The following ARID2 variants were observed in gnomAD, a reference collection of about 807,000 sequenced individuals.
ARID2 encodes AT-rich interactive domain-containing protein 2.
A neutral mutation model predicts 184.6 loss-of-function variants in ARID2; 32 were observed. The observed-to-expected ratio is 0.17, with a 90% CI of 0.13 to 0.23. The LOEUF (loss-of-function observed/expected upper bound fraction) is 0.23, where lower values mean the gene tolerates loss of function less well. ARID2 is among the 10% of genes least tolerant of loss of function. The pLI is 1.00. For synonymous variants in ARID2, 836 were observed against 772.6 expected, an observed-to-expected ratio of 1.08 and a Z score of -1.36; for missense variants, 1,696 against 2,197.6, an observed-to-expected ratio of 0.77 and a Z score of 4.56.
At chr12:45,829,385 G>A (rs1943065994) in intron 6 of ARID2, among the ~76,000 whole-genome samples, 1 of 151,872 alleles carries the variant, frequency 6.6e-6, no homozygotes, top group African/African-American at 2.4e-5. Context: ...TGCTAAAAAT[G>A]TTATTTTTGT....
chr12:45,865,717 G>C (rs1173324517), intron 16 of ARID2, among the ~76,000 whole-genome samples: 4 of 152,014 alleles, frequency 2.6e-5, no homozygotes, highest in Admixed American at 1.3e-4. Context: ...AAGGAAATGA[G>C]GGTAAGTCAG....
intron 6 of ARID2, among the ~76,000 whole-genome samples, chr12:45,835,911 A>C (rs552939702): frequency 3.3e-5 from 5 of 151,846 alleles, no homozygotes; most frequent in Non-Finnish European, 7.4e-5. Context: ...AAAAAAAAAA[A>C]CAAAAACAAA....
chr12:45,750,396 A>G (rs1465412399), intron 3 of ARID2, among the ~76,000 whole-genome samples: 1 of 152,236 alleles, frequency 6.6e-6, no homozygotes, highest in Non-Finnish European at 1.5e-5. Flanking sequence ...ATATAATAAT[A>G]ATAATGAAAA....
chr12:45,771,377 A>G (rs1164792530), intron 3 of ARID2, among the ~76,000 whole-genome samples: 1 of 150,914 alleles, frequency 6.6e-6, no homozygotes, highest in Admixed American at 6.6e-5. Flanking sequence ...AAAAAAAGCA[A>G]TTGTGGGCTG....
intron 3 of ARID2, among the ~76,000 whole-genome samples, chr12:45,777,299 G>T (rs1166664068): frequency 6.6e-6 from 1 of 152,006 alleles, no homozygotes; most frequent in Admixed American, 6.6e-5. Flanking sequence ...AAGAATTCCA[G>T]ATTTGGATGC....
intron 3 of ARID2, among the ~76,000 whole-genome samples, chr12:45,795,202 T>G (rs1448096048): frequency 1.3e-5 from 2 of 152,174 alleles, no homozygotes; most frequent in Non-Finnish European, 2.9e-5. Context: ...TTTTGCACCC[T>G]CCATGTGCCA....
intron 16 of ARID2, among the ~76,000 whole-genome samples, chr12:45,864,159 G>T (rs979767015): frequency 2.0e-5 from 3 of 151,844 alleles, no homozygotes; most frequent in Admixed American, 6.6e-5. Flanking sequence ...TCTCCTTTTA[G>T]ATGTATAATA....
At chr12:45,886,423 G>A (rs556198342) in intron 16 of ARID2, among the ~76,000 whole-genome samples, 8 of 152,284 alleles carry the variant, frequency 5.3e-5, no homozygotes, top group South Asian at 2.1e-4. Context: ...GAGTGTCTGC[G>A]GTTTCTCCAG....
chr12:45,767,102 A>AT (rs2138018283), intron 3 of ARID2, among the ~76,000 whole-genome samples: 1 of 152,312 alleles, frequency 6.6e-6, no homozygotes, highest in Non-Finnish European at 1.5e-5. Flanking sequence ...GTGTGTAGTG[A>AT]TATCTTACTG....
intron 16 of ARID2, among the ~76,000 whole-genome samples, chr12:45,865,883 C>G (rs1943823872): frequency 6.6e-6 from 1 of 152,088 alleles, no homozygotes. Context: ...ACTCAAGACT[C>G]TTAACAAAAG....
At chr12:45,898,220 T>C (rs141534347) in intron 20 of ARID2, among the ~76,000 whole-genome samples, 2 of 152,332 alleles carry the variant, frequency 1.3e-5, no homozygotes, top group African/African-American at 4.8e-5. Context: ...ATGAGATACC[T>C]AGAAGAGTCA....
At chr12:45,849,949 A>G (rs1943511665) in intron 14 of ARID2, 87 bp from the exon 15 acceptor site, 1 of 1,485,036 alleles carries the variant, frequency 6.7e-7, no homozygotes, top group Non-Finnish European at 8.9e-7. Context: ...TAATTTCTTA[A>G]AACTATTTTC....
intron 3 of ARID2, among the ~76,000 whole-genome samples, chr12:45,794,691 C>CT (rs1448977786): frequency 1.3e-5 from 2 of 152,178 alleles, no homozygotes; most frequent in Admixed American, 6.5e-5. Context: ...GTCTTGCGTA[C>CT]TTTAATTGGT....
At chr12:45,891,529 G>C (rs997823307) in intron 16 of ARID2, among the ~76,000 whole-genome samples, 1 of 152,180 alleles carries the variant, frequency 6.6e-6, no homozygotes, top group Non-Finnish European at 1.5e-5. Context: ...TGAAAGTACA[G>C]TAGAGTATGG....
intron 16 of ARID2, among the ~76,000 whole-genome samples, chr12:45,862,236 A>C (rs1011702919): frequency 9.2e-5 from 14 of 152,130 alleles, no homozygotes; most frequent in African/African-American, 3.4e-4. Flanking sequence ...GCAAGGGTAA[A>C]TATTGTTTTC....
intron 16 of ARID2, among the ~76,000 whole-genome samples, chr12:45,884,220 A>C (rs1055685155): frequency 6.6e-6 from 1 of 152,072 alleles, no homozygotes; most frequent in Admixed American, 6.5e-5. Flanking sequence ...ACATAGTGAA[A>C]CCCCATCTCT....
intron 16 of ARID2, among the ~76,000 whole-genome samples, chr12:45,869,481 C>T (rs1216049709): frequency 6.6e-6 from 1 of 151,722 alleles, no homozygotes; most frequent in African/African-American, 2.4e-5. Flanking sequence ...AAGTTTATTG[C>T]TAGGTGGTAG....
chr12:45,853,313 A>G (rs2138183068), intron 15 of ARID2, among the ~76,000 whole-genome samples: 1 of 152,248 alleles, frequency 6.6e-6, no homozygotes, highest in East Asian at 1.9e-4. Flanking sequence ...CTTTAACAGT[A>G]CTGTTGTAAT....
intron 16 of ARID2, among the ~76,000 whole-genome samples, chr12:45,878,983 G>T (rs1375497491): frequency 6.6e-6 from 1 of 152,022 alleles, no homozygotes; most frequent in Middle Eastern, 3.4e-3. Flanking sequence ...TTCCTTTGTT[G>T]TTGTTGGATT....
Sources: gnomAD v4.1 joint callset for allele counts (sites outside exome capture counted in the v4.1 genomes callset) on GRCh38, gnomAD v4.1.1 for gene constraint, MANE v1.5 for transcripts, NCBI Gene and HGNC (gene_info 2026-07-23, HGNC 2026-07-21) for gene names.